Variants in ABTB2 observed in about 807,000 individuals in gnomAD.
ABTB2 encodes ankyrin repeat and BTB domain containing 2.
In ABTB2, 56 loss-of-function variants were observed where a neutral mutation model predicts 104.1. That is an observed-to-expected ratio of 0.54 (90% CI 0.43 to 0.67). The LOEUF is 0.67. Among genes scored for constraint, ABTB2 ranks in the 30% least tolerant of loss-of-function variants. ABTB2 has a pLI of 0.00. For synonymous variants in ABTB2, 606 were observed against 608.2 expected, an observed-to-expected ratio of 1.00 and a Z score of 0.05; for missense variants, 1,279 against 1,407.7, an observed-to-expected ratio of 0.91 and a Z score of 1.46.
intron 1 of ABTB2, among the ~76,000 whole-genome samples, chr11:34,333,003 A>G (rs1855150730): frequency 1.3e-5 from 2 of 152,206 alleles, no homozygotes; most frequent in Admixed American, 1.3e-4. Context: ...CCATTCATAA[A>G]CAAACAGCTT....
chr11:34,352,752 T>C (rs1051728119), intron 1 of ABTB2, among the ~76,000 whole-genome samples: 4 of 152,194 alleles, frequency 2.6e-5, no homozygotes, highest in Admixed American at 6.5e-5. Context: ...AGGCCACTCA[T>C]GTAAATGGCA....
intron 3 of ABTB2, among the ~76,000 whole-genome samples, chr11:34,175,045 C>T (rs760200322): frequency 4.7e-4 from 72 of 152,262 alleles, no homozygotes; most frequent in Non-Finnish European, 7.5e-4. Context: ...CCTTGACATG[C>T]AGCTAAGTGC....
chr11:34,152,830 T>C (rs111977288), intron 16 of ABTB2, among the ~76,000 whole-genome samples: 14,636 of 152,194 alleles, frequency 0.096, 711 homozygotes, highest in Non-Finnish European at 0.11. Flanking sequence ...CCCTGTTGGG[T>C]TGGAAGTTCC....
At chr11:34,231,167 G>C (rs1175432678) in intron 1 of ABTB2, among the ~76,000 whole-genome samples, 1 of 152,194 alleles carries the variant, frequency 6.6e-6, no homozygotes, top group Non-Finnish European at 1.5e-5. Context: ...AAAATGATGA[G>C]ATGGGAGCCA....
At chr11:34,215,267 T>C (rs1853537223) in intron 1 of ABTB2, among the ~76,000 whole-genome samples, 1 of 152,082 alleles carries the variant, frequency 6.6e-6, no homozygotes, top group Non-Finnish European at 1.5e-5. Context: ...TAGGGATCAG[T>C]GCTGCCAGGG....
chr11:34,265,025 G>A (rs1854231176), intron 1 of ABTB2, among the ~76,000 whole-genome samples: 1 of 152,198 alleles, frequency 6.6e-6, no homozygotes, highest in African/African-American at 2.4e-5. Context: ...ATCAACTCAG[G>A]ATTTTACCAA....
rs1855484558 is a variant in ABTB2, at chr11:34,357,647, C to T, written c.-64G>A. On this transcript the variant is annotated 5_prime_UTR_variant, in exon 1 of 17. Transcript: ENST00000435224. ...ACTCACAACTCCATGCCCTCTTTCC[C>T]AAGTGGGCAGAAACAAGCTCTAGGC... 1.4e-6 allele frequency: 2 copies of T among 1,422,136 alleles called. No individual in the cohort carries two copies. Among genetic ancestry groups the T allele is most frequent in the Non-Finnish European group, 1.8e-6 (2 of 1,082,788 alleles). 88.1% of individuals were successfully genotyped at this position (1,422,136 alleles called of 1,614,324 possible).
intron 1 of ABTB2, among the ~76,000 whole-genome samples, chr11:34,244,119 C>G (rs947596897): frequency 6.6e-6 from 1 of 152,174 alleles, no homozygotes; most frequent in Non-Finnish European, 1.5e-5. Context: ...AGCAGCCAGC[C>G]TGGACTCAGC....
At chr11:34,182,522 C>T (rs546416075) in intron 3 of ABTB2, among the ~76,000 whole-genome samples, 1 of 141,184 alleles carries the variant, frequency 7.1e-6, no homozygotes, top group East Asian at 2.0e-4. Context: ...ATTCACTTTT[C>T]CTATTAAAAC....
At chr11:34,170,769 T>C in intron 5 of ABTB2, 137 bp downstream of exon 5, 1 of 1,037,828 alleles carries the variant, frequency 9.6e-7, no homozygotes, top group Non-Finnish European at 1.4e-6. Context: ...AGGGCAGGAT[T>C]CAGGGAGGTA....
Position 34,300,389 on chromosome 11 carries a change from C to T in ABTB2, c.883+56312G>A, listed in dbSNP as rs563998347. Among the ~76,000 whole-genome samples, 5 of 152,354 alleles carry T rather than the reference C, an allele frequency of 3.3e-5. No homozygotes were observed. In the South Asian group the frequency reaches 1.0e-3, roughly 32 times the overall value. ...CATTTAGCTTGTTAGGCTGGCTGCTCCACCCCAGAAAGAGTGACAAAAGAC... is the reference window on the plus strand; with the variant it reads ...CATTTAGCTTGTTAGGCTGGCTGCTTCACCCCAGAAAGAGTGACAAAAGAC... On this transcript the variant is annotated intron_variant, in intron 1 of 16. Transcript: ENST00000435224.
chr11:34,278,197 A>T (rs1854408411), intron 1 of ABTB2, among the ~76,000 whole-genome samples: 1 of 152,164 alleles, frequency 6.6e-6, no homozygotes, highest in East Asian at 1.9e-4. Context: ...CTAAAAAAAA[A>T]AGTTAAAAAA....
At chr11:34,294,158 C>T (rs574013390) in intron 1 of ABTB2, among the ~76,000 whole-genome samples, 15 of 152,158 alleles carry the variant, frequency 9.9e-5, no homozygotes, top group African/African-American at 3.6e-4. Flanking sequence ...ATGGCAAAAC[C>T]TCATCTCTAC....
chr11:34,347,585 G>C (rs1855348410), intron 1 of ABTB2, among the ~76,000 whole-genome samples: 1 of 152,068 alleles, frequency 6.6e-6, no homozygotes, highest in Non-Finnish European at 1.5e-5. Flanking sequence ...TAACACTGGA[G>C]TCCGGAAAAA....
At chr11:34,265,688 G>T (rs148695268) in intron 1 of ABTB2, among the ~76,000 whole-genome samples, 1 of 99,348 alleles carries the variant, frequency 1.0e-5, no homozygotes, top group Non-Finnish European at 2.0e-5. Flanking sequence ...AAAAAAAAAA[G>T]CCGGGCACGG....
chr11:34,266,959 A>C (rs1044873057), intron 1 of ABTB2, among the ~76,000 whole-genome samples: 1 of 124,658 alleles, frequency 8.0e-6, no homozygotes, highest in African/African-American at 3.1e-5. Context: ...GCTCCTTTTG[A>C]GTGAGCCCAC....
At chr11:34,161,965 G>C (rs1360873230) in intron 10 of ABTB2, among the ~76,000 whole-genome samples, 1 of 152,010 alleles carries the variant, frequency 6.6e-6, no homozygotes, top group Non-Finnish European at 1.5e-5. Context: ...TGACAGTGAC[G>C]GTGCTGTCAT....
intron 1 of ABTB2, among the ~76,000 whole-genome samples, 175 bp from the exon 2 acceptor site, chr11:34,204,865 A>G (rs1325475980): frequency 1.3e-5 from 2 of 152,152 alleles, no homozygotes; most frequent in East Asian, 3.9e-4. Context: ...GGACGGTGCT[A>G]TAGGGGCCAG....
intron 1 of ABTB2, among the ~76,000 whole-genome samples, chr11:34,218,022 A>G (rs778109728): frequency 1.3e-5 from 2 of 152,184 alleles, no homozygotes; most frequent in Non-Finnish European, 2.9e-5. Flanking sequence ...TGTAACTTGC[A>G]ATTTCCTAAT....
Sources: allele counts gnomAD v4.1 joint callset (sites outside exome capture counted in the v4.1 genomes callset), GRCh38; gene constraint gnomAD v4.1.1; transcripts MANE v1.5; gene names NCBI Gene and HGNC (gene_info 2026-07-23, HGNC 2026-07-21).